EOGT: variants seen among roughly 807,000 people sequenced by gnomAD.
EOGT encodes EGF domain specific O-linked N-acetylglucosamine transferase.
A neutral mutation model predicts 70.5 loss-of-function variants in EOGT; 55 were observed. The observed-to-expected ratio is 0.78, with a 90% CI of 0.63 to 0.98. The LOEUF (loss-of-function observed/expected upper bound fraction) is 0.98. Among genes scored for constraint, EOGT ranks in the 50% least tolerant of loss-of-function variants. The pLI is 0.00. For synonymous variants in EOGT, 246 were observed against 217.1 expected (o/e 1.13, Z -1.17); for missense variants, 703 against 641.9 (o/e 1.10, Z -1.03).
chr3:69,001,577 T>C (rs769047155), intron 9 of EOGT, 31 bp downstream of exon 9: 11 of 1,405,922 alleles, frequency 7.8e-6, no homozygotes, highest in East Asian at 2.3e-5. Context: ...CATTAACAAA[T>C]ACACAAATAA....
In EOGT at chr3:69,005,061, C is replaced by CA. The variant is rs11320020; in HGVS notation, c.515+78dup. 0.011 allele frequency: 7,420 copies of CA among 663,244 alleles called. 28 individuals are homozygous for CA. Among genetic ancestry groups the CA allele is most frequent in the African/African-American group, 0.038 (1,838 of 48,438 alleles). 41.1% of individuals were successfully genotyped at this position (663,244 alleles called of 1,614,324 possible). ...TGGGCAACAGAGCAAGACCCTGTCT[C>CA]AAAAAAAAAAAAAAAAATCCCTGGA... On this transcript the variant is annotated intron_variant, in intron 7 of 17. Transcript: ENST00000383701.
intron 16 of EOGT, among the ~76,000 whole-genome samples, chr3:68,979,115 G>A (rs1342556465): frequency 6.6e-6 from 1 of 152,106 alleles, no homozygotes; most frequent in Non-Finnish European, 1.5e-5. Flanking sequence ...TGCTATTAGT[G>A]TCTCAAGACC....
chr3:69,004,535 A>C, intron 7 of EOGT, 53 bp from the exon 8 acceptor site: 2 of 1,235,490 alleles, frequency 1.6e-6, no homozygotes, highest in Non-Finnish European at 2.4e-6. Flanking sequence ...TCATGACCCA[A>C]GCACGTGGGT....
At chr3:69,006,091 G>T (rs2091433644) in intron 6 of EOGT, among the ~76,000 whole-genome samples, 1 of 152,164 alleles carries the variant, frequency 6.6e-6, no homozygotes, top group African/African-American at 2.4e-5. Context: ...AAACAACTAA[G>T]ACAAGGATCA....
At chr3:68,988,706 T>C in intron 11 of EOGT, 129 bp from the exon 12 acceptor site, 1 of 668,242 alleles carries the variant, frequency 1.5e-6, no homozygotes, top group Non-Finnish European at 2.5e-6. Flanking sequence ...CACTATTTCA[T>C]TCAAAGAGAA....
intron 10 of EOGT, among the ~76,000 whole-genome samples, chr3:68,990,611 C>T (rs1248817213): frequency 3.3e-5 from 5 of 151,942 alleles, no homozygotes; most frequent in Non-Finnish European, 7.4e-5. Context: ...ACCACGGCCT[C>T]CTAAAGTGCT....
chr3:69,001,561 A>T, intron 9 of EOGT, 47 bp downstream of exon 9: 1 of 1,247,748 alleles, frequency 8.0e-7, no homozygotes, highest in East Asian at 2.4e-5. Flanking sequence ...AAAAGGAATA[A>T]TATCTCATTA....
intron 10 of EOGT, among the ~76,000 whole-genome samples, chr3:68,997,191 T>C (rs1452242795): frequency 6.6e-6 from 1 of 152,192 alleles, no homozygotes; most frequent in Non-Finnish European, 1.5e-5. Context: ...CATGCATTTA[T>C]GTGCATGCCT....
In EOGT at chr3:68,979,750, T is replaced by C; in HGVS notation, c.1252A>G (p.Asn418Asp). The C allele has an allele frequency of 3.7e-6, 6 of 1,613,580 alleles. No homozygotes were observed. Among genetic ancestry groups the C allele is most frequent in the Non-Finnish European group, 5.1e-6 (6 of 1,179,592 alleles). ...TGCATTCCAATAAATATGTCCGTGT[T>C]GTGTGTGATCCTTAGTTGATCTAAA... ...GFLDQLRITHNTDIFIGMHGA... is the reference protein window; with the variant it reads ...GFLDQLRITHDTDIFIGMHGA... The change falls in exon 16 of 18, where the codon AAC (asparagine) becomes GAC (aspartate). Residue 418 changes from asparagine to aspartate, a missense_variant. Transcript: ENST00000383701.
rs180714619 is a variant in EOGT at position 69,008,041 on chromosome 3, T to C, written c.312-220A>G. Among the ~76,000 whole-genome samples, 20 of 152,332 alleles carry C rather than the reference T, an allele frequency of 1.3e-4. No individual in the cohort carries two copies. In the East Asian group the frequency reaches 3.7e-3, roughly 28 times the overall value. On this transcript the variant is annotated intron_variant, in intron 5 of 17. Transcript: ENST00000383701. The stretch of plus-strand genomic sequence containing the variant: ...TCATAAAATACATAACAGACATGTA[T>C]GAAGTTATCACCTGAAACTGAAGCC...
chr3:68,992,327 C>T (rs536544582), intron 10 of EOGT, among the ~76,000 whole-genome samples: 16 of 152,260 alleles, frequency 1.1e-4, no homozygotes, highest in East Asian at 5.8e-4. Flanking sequence ...TAATTACAGC[C>T]GTTCCAAATG....
chr3:69,008,834 C>A (rs1029403924), intron 4 of EOGT, among the ~76,000 whole-genome samples: 2 of 152,192 alleles, frequency 1.3e-5, no homozygotes, highest in Admixed American at 1.3e-4. Context: ...CCACCTTTCT[C>A]AGTGAGCAAG....
chr3:69,012,242 C>T (rs1033642228), intron 2 of EOGT: 2 of 152,266 alleles, frequency 1.3e-5, no homozygotes, highest in African/African-American at 4.8e-5. Context: ...GGAGGTGGCC[C>T]ACTTTCTACA....
intron 9 of EOGT, among the ~76,000 whole-genome samples, chr3:68,999,513 A>G (rs2107319955): frequency 6.6e-6 from 1 of 152,324 alleles, no homozygotes; most frequent in Non-Finnish European, 1.5e-5. Context: ...GAAATCATAA[A>G]ATATTCTGAC....
At position 68,979,701 on chromosome 3, in the gene EOGT, A is replaced by G; in HGVS notation, c.1301T>C (p.Leu434Pro). 6.2e-7 allele frequency: 1 copy of G among 1,613,978 alleles called. No homozygotes were observed. The highest frequency in any genetic ancestry group is 1.1e-5 in the South Asian group (1 of 91,066). Residue 434 changes from leucine to proline, a missense_variant, in exon 16 of 18, where the codon CTT (leucine) becomes CCT (proline). Leu to Pro is a moderately conservative substitution (Grantham distance 98). Transcript: ENST00000383701. ...GMHGAGLTHLLFLPDWAAVFE... is the reference protein window; with the variant it reads ...GMHGAGLTHLPFLPDWAAVFE... ...TACAGCAGCCCAGTCTGGAAGGAAA[A>G]GTAAATGGGTCAGACCAGCTCCATG...
intron 14 of EOGT, among the ~76,000 whole-genome samples, chr3:68,983,221 T>C (rs554389641): frequency 6.6e-6 from 1 of 152,272 alleles, no homozygotes; most frequent in South Asian, 2.1e-4. Context: ...CATTTGCTTA[T>C]TATTCCCTCA....
rs180677089 is a variant in EOGT, at chr3:68,976,333, T to C, written c.*1285A>G. ...ACGCACTGGTATATGCAGTTACAAA[T>C]ACTCGCATAAAATGGAAACCATTAT... On this transcript the variant is annotated 3_prime_UTR_variant, in exon 18 of 18. Transcript: ENST00000383701. 3.3e-5 allele frequency: 5 copies of C among 152,308 alleles called. No homozygotes were observed. Among genetic ancestry groups the C allele is most frequent in the African/African-American group, 1.2e-4 (5 of 41,568 alleles). 9.4% of individuals were successfully genotyped at this position (152,308 alleles called of 1,614,324 possible). A position where few individuals can be genotyped will look rare whatever the true frequency, so the allele number is the denominator to read the frequency against.
intron 17 of EOGT, 21 bp downstream of exon 17, chr3:68,978,312 A>G: frequency 1.3e-6 from 2 of 1,564,588 alleles, no homozygotes; most frequent in Non-Finnish European, 1.8e-6. Context: ...AAGCAAGGTA[A>G]GTTTTGTGAT....
At chr3:69,011,595 CA>C (rs34778421) in intron 3 of EOGT, among the ~76,000 whole-genome samples, 37 of 127,606 alleles carry the variant, frequency 2.9e-4, no homozygotes, top group East Asian at 1.4e-3. Context: ...GACTCTGTCT[CA>C]AAAAAAAAAA....
Sources: allele counts gnomAD v4.1 joint callset (sites outside exome capture counted in the v4.1 genomes callset), GRCh38; gene constraint gnomAD v4.1.1; transcripts MANE v1.5; gene names NCBI Gene and HGNC (gene_info 2026-07-23, HGNC 2026-07-21).